The following ZP3 variants were observed in gnomAD, a reference collection of about 807,000 sequenced individuals.
ZP3 encodes zona pellucida glycoprotein 3, also known as zona pellucida sperm-binding protein 3.
In ZP3, 21 loss-of-function variants were observed where a neutral mutation model predicts 35.6. The ratio of observed to expected loss-of-function variants is 0.59; its 90% CI spans 0.42 to 0.85. The LOEUF (loss-of-function observed/expected upper bound fraction) is 0.85, where lower values mean the gene tolerates loss of function less well. Among genes scored for constraint, ZP3 ranks in the 40% least tolerant of loss-of-function variants. The pLI is 0.00. For missense variants in ZP3, 437 were observed against 536.5 expected (o/e 0.81, Z 1.83); for synonymous variants, 207 against 214.5 (o/e 0.96, Z 0.31).
chr7:76,423,311 A>G (rs1279971477), upstream of ZP3, among the ~76,000 whole-genome samples: 1 of 152,104 alleles, frequency 6.6e-6, no homozygotes, highest in Non-Finnish European at 1.5e-5. Context: ...TTTATTAGGC[A>G]AAGCATGGGA....
chr7:76,405,294 TA>T (rs1804967860), intron 1 of ZP3, among the ~76,000 whole-genome samples: 7 of 53,092 alleles, frequency 1.3e-4, no homozygotes, highest in African/African-American at 4.8e-4. Flanking sequence ...TATATATATA[TA>T]TATATATATA....
At chr7:76,430,029 C>T (rs1355142161) in intron 2 of ZP3, among the ~76,000 whole-genome samples, 1 of 152,090 alleles carries the variant, frequency 6.6e-6, no homozygotes, top group Non-Finnish European at 1.5e-5. Flanking sequence ...CAAGACCAGT[C>T]TGGCCTACAT....
Position 76,429,616 on chromosome 7 carries a change from C to A in ZP3, c.414C>A (p.Ile138=). ...IVRTNRAEIP[I]ECRYPRQGNV... ...GGACTAACCGCGCAGAGATTCCCAT[C>A]GAGTGCCGCTACCCCAGGTCGGTGT... Residue 138 remains isoleucine, a synonymous_variant, in exon 2 of 8, where the codon ATC becomes ATA. Transcript: ENST00000394857. The A allele has an allele frequency of 3.7e-6, 6 of 1,614,054 alleles. No individual in the cohort carries two copies. The highest frequency in any genetic ancestry group is 5.1e-6 in the Non-Finnish European group (6 of 1,179,954).
chr7:76,427,657 T>C (rs560728084), intron 1 of ZP3, among the ~76,000 whole-genome samples: 4 of 152,216 alleles, frequency 2.6e-5, no homozygotes, highest in South Asian at 4.2e-4. Context: ...CCACGAGCTA[T>C]GCTGGTTCTG....
chr7:76,429,683 TG>T, intron 2 of ZP3, 50 bp downstream of exon 2: 1 of 1,529,098 alleles, frequency 6.5e-7, no homozygotes, highest in South Asian at 1.1e-5. Flanking sequence ...CCCTTGGGTG[TG>T]GCTGCAGGCA....
intron 5 of ZP3, 162 bp from the exon 6 acceptor site, chr7:76,440,088 C>T: frequency 3.2e-6 from 4 of 1,251,500 alleles, no homozygotes; most frequent in Non-Finnish European, 3.2e-6. Flanking sequence ...CTCAGGTGAT[C>T]TACCCGCCTT....
At chr7:76,433,676 C>A (rs1327967588) in intron 4 of ZP3, 29 bp downstream of exon 4, 1 of 1,568,986 alleles carries the variant, frequency 6.4e-7, no homozygotes, top group Non-Finnish European at 8.7e-7. Context: ...GCCTAGAGAA[C>A]CTTCCTAGCA....
intron 1 of ZP3, among the ~76,000 whole-genome samples, chr7:76,401,981 C>G (rs1804845316): frequency 6.6e-6 from 1 of 152,112 alleles, no homozygotes; most frequent in Non-Finnish European, 1.5e-5. Flanking sequence ...ATTTCCCTCC[C>G]TAAAGATTTA....
At position 76,440,236 on chromosome 7, in the gene ZP3, G is replaced by C; in HGVS notation, c.832-14G>C. On this transcript the variant is annotated splice_polypyrimidine_tract_variant and intron_variant, in intron 5 of 7. Transcript: ENST00000394857. ...CCTGGAACTCGGCCTGGAAATAGCT[G>C]TTATTCCTTGCAGATATACATCACC... 1 of 1,581,920 alleles carries C rather than the reference G, an allele frequency of 6.3e-7. No homozygotes were observed. The highest frequency in any genetic ancestry group is 8.6e-7 in the Non-Finnish European group (1 of 1,166,094).
At position 76,400,487 on chromosome 7, in the gene ZP3, C is replaced by A; in HGVS notation, c.-67+2690C>A. 20 of 1,603,972 alleles carry A rather than the reference C, an allele frequency of 1.2e-5. No homozygotes were observed. The highest frequency in any genetic ancestry group is 1.5e-5 in the Non-Finnish European group (18 of 1,175,006). On this transcript the variant is annotated intron_variant, in intron 1 of 8. Transcript: ENST00000336517. ...CCCAGCTGGCGACACACTACGTTGG[C>A]GTCCACCACGTCCCAGTCGTCATCA...
intron 2 of ZP3, 57 bp from the exon 3 acceptor site, chr7:76,432,870 G>A: frequency 6.8e-7 from 1 of 1,467,002 alleles, no homozygotes; most frequent in South Asian, 1.2e-5. Context: ...CCCATCAGTG[G>A]GGGCCCAGGT....
At chr7:76,404,350 G>A (rs755675529) in intron 1 of ZP3, 3 of 1,612,928 alleles carry the variant, frequency 1.9e-6, no homozygotes, top group East Asian at 4.5e-5. Context: ...GGGGGAGGAA[G>A]GGAGGGGCAG....
chr7:76,441,822 T>C lies in ZP3; in HGVS notation c.1061-20T>C, dbSNP rs1806208725. The C allele has an allele frequency of 6.2e-7, 1 of 1,613,628 alleles. No individual in the cohort carries two copies. Among genetic ancestry groups the C allele is most frequent in the Non-Finnish European group, 8.5e-7 (1 of 1,179,612 alleles). On this transcript the variant is annotated intron_variant, in intron 7 of 7. Coordinates refer to ENST00000394857, the MANE Select transcript of ZP3 (RefSeq NM_001110354.2). ...GTTAGGGACTAAGATAACCCTTGGT[T>C]GTGTGTTCTCCTTTCACAGTGACAG...
At chr7:76,400,731 C>T in intron 1 of ZP3, 1 of 1,086,614 alleles carries the variant, frequency 9.2e-7, no homozygotes, top group South Asian at 1.7e-5. Context: ...TGGTCTCAAA[C>T]TCCTGGGCTC....
chr7:76,422,618 G>A (rs571955509), upstream of ZP3, among the ~76,000 whole-genome samples: 57 of 150,864 alleles, frequency 3.8e-4, 1 homozygote, highest in South Asian at 6.7e-3. Context: ...GGAGGAGGTT[G>A]CAGTGAGCTG....
intron 5 of ZP3, among the ~76,000 whole-genome samples, chr7:76,437,470 CTTT>C (rs71521129): frequency 0.15 from 20,415 of 132,274 alleles, no homozygotes; most frequent in South Asian, 0.22. Context: ...ACACTCCCCT[CTTT>C]TTTTTTTTTT....
At position 76,438,538 on chromosome 7, in the gene ZP3, G is replaced by GAAAAAAAA. The variant is rs71085417; in HGVS notation, c.832-1700_832-1693dup. On this transcript the variant is annotated intron_variant, in intron 5 of 7. Coordinates refer to ENST00000394857, the MANE Select transcript of ZP3 (RefSeq NM_001110354.2). Reference sequence around the variant, plus strand: ...TGGACTAGAGACAGACTCCGTCTCAGAAAAAAAAAAAAAAAAAAAGGGTAG... The same window carrying GAAAAAAAA: ...TGGACTAGAGACAGACTCCGTCTCAGAAAAAAAAAAAAAAAAAAAAAAAAAAAGGGTAG... Among the ~76,000 whole-genome samples the GAAAAAAAA allele has an allele frequency of 3.0e-3, 266 of 88,456 alleles. 1 individual carries two copies. Among genetic ancestry groups the GAAAAAAAA allele is most frequent in the South Asian group, 9.3e-3 (25 of 2,692 alleles). 58.0% of individuals were successfully genotyped at this position (88,456 alleles called of 152,430 possible).
At chr7:76,432,179 A>ATCTTT (rs200141899) in intron 2 of ZP3, among the ~76,000 whole-genome samples, 4 of 149,540 alleles carry the variant, frequency 2.7e-5, no homozygotes, top group Admixed American at 2.7e-4. Context: ...ATGCCCAGCT[A>ATCTTT]TCTTTTCTTT....
intron 1 of ZP3, among the ~76,000 whole-genome samples, chr7:76,428,266 A>G (rs533689358): frequency 9.7e-4 from 148 of 152,078 alleles, no homozygotes; most frequent in African/African-American, 3.4e-3. Context: ...GGTTGCAGTG[A>G]GCCGAGTTCG....
Sources: gnomAD v4.1 joint callset for allele counts (sites outside exome capture counted in the v4.1 genomes callset) on GRCh38, gnomAD v4.1.1 for gene constraint, MANE v1.5 for transcripts, NCBI Gene and HGNC (gene_info 2026-07-23, HGNC 2026-07-21) for gene names.